SFMBT2: variants seen among roughly 807,000 people sequenced by gnomAD.
The protein encoded by SFMBT2 is scm-like with four MBT domains protein 2.
A neutral mutation model predicts 110.1 loss-of-function variants in SFMBT2; 38 were observed. The observed-to-expected ratio is 0.35, with a 90% CI of 0.27 to 0.45. SFMBT2 has a LOEUF of 0.45. SFMBT2 is among the 20% of genes least tolerant of loss of function. The pLI is 1.00. For missense variants in SFMBT2, 1,011 were observed against 1,094.9 expected, an observed-to-expected ratio of 0.92 and a Z score of 1.08; for synonymous variants, 425 against 425.4, an observed-to-expected ratio of 1.00 and a Z score of 0.01.
intron 9 of SFMBT2, among the ~76,000 whole-genome samples, chr10:7,236,685 T>C (rs1840267298): frequency 2.5e-5 from 1 of 40,760 alleles, no homozygotes; most frequent in South Asian, 6.4e-4. Flanking sequence ...CATGGAAAAG[T>C]AAAACTGCAA....
Position 7,410,986 on chromosome 10 carries a change from C to G in SFMBT2, c.-177G>C, listed in dbSNP as rs1383377449. On this transcript the variant is annotated 5_prime_UTR_variant, in exon 1 of 21. Coordinates refer to ENST00000397167, the MANE Select transcript of SFMBT2 (RefSeq NM_001387889.1). ...CTCGCTCCCCGCCCGCCGCCTCCCT[C>G]GCGCGCCCGCTCCGGTCCTCCGGCT... 6.6e-6 allele frequency among the ~76,000 whole-genome samples: 1 copy of G among 150,722 alleles called. No individual in the cohort carries two copies. The highest frequency in any genetic ancestry group is 1.5e-5 in the Non-Finnish European group (1 of 67,610).
At chr10:7,228,781 T>TCTCTCTCTCTCC (rs1466235599) in intron 9 of SFMBT2, among the ~76,000 whole-genome samples, 4 of 110,392 alleles carry the variant, frequency 3.6e-5, no homozygotes, top group African/African-American at 1.3e-4. Context: ...TCTCTCTCTC[T>TCTCTCTCTCTCC]CCCCCTCCCT....
intron 4 of SFMBT2, among the ~76,000 whole-genome samples, chr10:7,319,544 A>G (rs1843109446): frequency 1.3e-5 from 2 of 152,262 alleles, no homozygotes; most frequent in South Asian, 4.1e-4. Flanking sequence ...CACAGGTATC[A>G]GTTATGGTAT....
chr10:7,286,229 AC>A lies in SFMBT2; in HGVS notation c.437-276del, dbSNP rs1842083452. On this transcript the variant is annotated intron_variant, in intron 4 of 20. Coordinates refer to ENST00000397167, the MANE Select transcript of SFMBT2 (RefSeq NM_001387889.1). Reference sequence around the variant, plus strand: ...CAGCCTATTTAGAAACTTTTCACAAACCACAAAGAAATTATAAAGTGTACAA... The same window carrying A: ...CAGCCTATTTAGAAACTTTTCACAAACACAAAGAAATTATAAAGTGTACAA... The A allele has an allele frequency of 1.8e-5, 3 of 170,418 alleles. No homozygotes were observed. In the Admixed American group the frequency reaches 2.0e-4, roughly 11 times the overall value. The allele number at this position is 170,418 out of a possible 1,614,324, so 10.6% of individuals were successfully genotyped here. A position where few individuals can be genotyped will look rare whatever the true frequency, so the allele number is the denominator to read the frequency against.
intron 16 of SFMBT2, among the ~76,000 whole-genome samples, chr10:7,185,311 G>A (rs1838365578): frequency 6.6e-6 from 1 of 152,182 alleles, no homozygotes; most frequent in South Asian, 2.1e-4. Flanking sequence ...CTTGCGCAAG[G>A]TAAACAAAAT....
In SFMBT2 at chr10:7,171,568, G is replaced by C; in HGVS notation, c.2415+327C>G. The C allele has an allele frequency of 1.0e-6, 1 of 985,372 alleles. No individual in the cohort carries two copies. Among genetic ancestry groups the C allele is most frequent in the Non-Finnish European group, 1.2e-6 (1 of 829,888 alleles). The allele number at this position is 985,372 out of a possible 1,614,324, so 61.0% of individuals were successfully genotyped here. A position where few individuals can be genotyped will look rare whatever the true frequency, so the allele number is the denominator to read the frequency against. ...TGGGAGCAAGACACAGCGCAGTCAG[G>C]GGAGATGCGGGGAAGGAATTTCTGG... On this transcript the variant is annotated intron_variant, in intron 19 of 20. Transcript: ENST00000397167. This position sits in a 1 kb window ranked among gnomAD's most constrained non-coding sequence, Gnocchi z 4.9.
chr10:7,239,835 G>C (rs1840378032), intron 9 of SFMBT2, among the ~76,000 whole-genome samples: 2 of 152,262 alleles, frequency 1.3e-5, no homozygotes, highest in South Asian at 4.1e-4. Context: ...GTGAAGTGTG[G>C]ATACGGTTGT....
intron 4 of SFMBT2, among the ~76,000 whole-genome samples, chr10:7,359,612 T>G (rs1018793834): frequency 6.6e-6 from 1 of 152,214 alleles, no homozygotes; most frequent in Non-Finnish European, 1.5e-5. Context: ...GCTTACGGTT[T>G]TCATGTAGCG....
intron 16 of SFMBT2, among the ~76,000 whole-genome samples, chr10:7,180,030 G>A (rs1030809094): frequency 6.6e-6 from 1 of 152,260 alleles, no homozygotes; most frequent in Admixed American, 6.5e-5. Flanking sequence ...GGAAGCTGGC[G>A]GATGGCGTGC....
intron 11 of SFMBT2, among the ~76,000 whole-genome samples, chr10:7,208,048 G>A (rs1839207634): frequency 6.6e-6 from 1 of 152,202 alleles, no homozygotes; most frequent in African/African-American, 2.4e-5. Context: ...AATAGACATT[G>A]TTTCTGTCTA....
intron 8 of SFMBT2, among the ~76,000 whole-genome samples, chr10:7,245,532 T>C (rs1840576925): frequency 6.6e-6 from 1 of 152,250 alleles, no homozygotes; most frequent in South Asian, 2.1e-4. Context: ...TCTGAAGCAC[T>C]GTTTTGTGCT....
At chr10:7,375,800 C>CACAA (rs1491315759) in intron 2 of SFMBT2, among the ~76,000 whole-genome samples, 4 of 113,502 alleles carry the variant, frequency 3.5e-5, no homozygotes, top group South Asian at 3.3e-4. Flanking sequence ...CACACACACA[C>CACAA]AAATCACCTA....
intron 1 of SFMBT2, among the ~76,000 whole-genome samples, chr10:7,391,095 G>A (rs566088951): frequency 9.0e-4 from 136 of 151,904 alleles, no homozygotes; most frequent in African/African-American, 3.0e-3. Context: ...GTGAGACTCC[G>A]ACTCACTCAG....
chr10:7,398,855 C>T (rs1218477427), intron 1 of SFMBT2, among the ~76,000 whole-genome samples: 4 of 152,130 alleles, frequency 2.6e-5, no homozygotes, highest in African/African-American at 9.7e-5. Context: ...TTAAGTAGAT[C>T]ATGTGTTGTC....
intron 15 of SFMBT2, chr10:7,189,247 T>A (rs142907467): frequency 8.3e-6 from 7 of 846,222 alleles, no homozygotes; most frequent in Non-Finnish European, 4.3e-6. Context: ...TCATGGACAT[T>A]TAATACTAGG....
intron 11 of SFMBT2, chr10:7,206,702 G>A (rs1839148259): frequency 5.3e-6 from 4 of 752,090 alleles, no homozygotes; most frequent in African/African-American, 3.8e-5. Flanking sequence ...CTCTGAAAAA[G>A]ACAAGAAGAC....
chr10:7,208,197 G>A (rs1839212417), intron 11 of SFMBT2, among the ~76,000 whole-genome samples: 1 of 152,130 alleles, frequency 6.6e-6, no homozygotes, highest in Admixed American at 6.5e-5. Flanking sequence ...GTCCTGAAGG[G>A]TGTGGGATTG....
intron 16 of SFMBT2, among the ~76,000 whole-genome samples, 178 bp downstream of exon 16, chr10:7,188,446 G>C (rs901175099): frequency 2.0e-5 from 3 of 152,152 alleles, no homozygotes; most frequent in Admixed American, 1.3e-4. Flanking sequence ...AAGGCTTAAG[G>C]CAACGCTGTA....
chr10:7,208,924 G>A (rs948279802), intron 11 of SFMBT2, among the ~76,000 whole-genome samples: 1 of 151,942 alleles, frequency 6.6e-6, no homozygotes, highest in Admixed American at 6.6e-5. Context: ...CAGATGCGTC[G>A]GCTACCTTTC....
Sources: allele counts gnomAD v4.1 joint callset (sites outside exome capture counted in the v4.1 genomes callset), GRCh38; gene constraint gnomAD v4.1.1; non-coding constraint Gnocchi (gnomAD v3.1); transcripts MANE v1.5; gene names NCBI Gene and HGNC (gene_info 2026-07-23, HGNC 2026-07-21).